Variants in CFTR observed in about 807,000 individuals in gnomAD.
CFTR encodes CF transmembrane conductance regulator.
Under a neutral mutation model 171.6 loss-of-function variants are expected in CFTR, and 181 were observed. The observed-to-expected ratio is 1.05, with a 90% CI of 0.93 to 1.19. The LOEUF (loss-of-function observed/expected upper bound fraction) is 1.19, where lower values mean the gene tolerates loss of function less well. Among genes scored for constraint, CFTR ranks in the 50% most tolerant of loss-of-function variants. The probability of loss-of-function intolerance (pLI) is 0.00; values close to 1 mark genes in which losing one functional copy is unlikely to be tolerated. For synonymous variants in CFTR, 583 were observed against 608.0 expected, an observed-to-expected ratio of 0.96 and a Z score of 0.60; for missense variants, 1,968 against 1,734.7, an observed-to-expected ratio of 1.13 and a Z score of -2.39.
chr7:117,650,799 C>T (rs1183654014), intron 23 of CFTR, among the ~76,000 whole-genome samples: 1 of 152,152 alleles, frequency 6.6e-6, no homozygotes, highest in African/African-American at 2.4e-5. Context: ...GAATATGCTG[C>T]TGAGTACTGA....
chr7:117,612,326 T>C (rs541826307), intron 20 of CFTR, among the ~76,000 whole-genome samples: 1 of 151,586 alleles, frequency 6.6e-6, no homozygotes, highest in East Asian at 2.0e-4. Context: ...TGTTATCTAA[T>C]TGTGAGTTTT....
intron 1 of CFTR, among the ~76,000 whole-genome samples, chr7:117,492,667 G>T (rs960932416): frequency 6.6e-6 from 1 of 151,974 alleles, no homozygotes; most frequent in Non-Finnish European, 1.5e-5. Context: ...AAAAACACAA[G>T]ATCTATAAGG....
At chr7:117,594,527 A>C (rs1465746266) in intron 14 of CFTR, among the ~76,000 whole-genome samples, 1 of 152,170 alleles carries the variant, frequency 6.6e-6, no homozygotes, top group Non-Finnish European at 1.5e-5. Flanking sequence ...AAGTATACTG[A>C]ACTGTACTTG....
intron 6 of CFTR, 137 bp downstream of exon 6, chr7:117,535,548 G>A: frequency 6.4e-6 from 3 of 466,098 alleles, no homozygotes; most frequent in Non-Finnish European, 1.0e-5. Flanking sequence ...TTTTTTTTTT[G>A]AGACAGAGTC....
chr7:117,572,774 C>T (rs1791714015), intron 11 of CFTR, among the ~76,000 whole-genome samples: 1 of 152,144 alleles, frequency 6.6e-6, no homozygotes. Flanking sequence ...ATGACACTAA[C>T]CACCCAATGA....
intron 1 of CFTR, among the ~76,000 whole-genome samples, chr7:117,503,499 A>G (rs537203853): frequency 1.3e-3 from 203 of 152,330 alleles, no homozygotes; most frequent in African/African-American, 4.8e-3. Flanking sequence ...TATGAAGATT[A>G]TTCTGCCTTA....
chr7:117,558,596 G>A (rs944639101), intron 10 of CFTR, among the ~76,000 whole-genome samples: 1 of 132,842 alleles, frequency 7.5e-6, no homozygotes, highest in African/African-American at 3.2e-5. Context: ...TAAAATCAGT[G>A]CTTTTTCTTC....
intron 1 of CFTR, among the ~76,000 whole-genome samples, chr7:117,482,155 T>G (rs1270341736): frequency 6.6e-6 from 1 of 152,182 alleles, no homozygotes; most frequent in African/African-American, 2.4e-5. Flanking sequence ...GTATGAGAAT[T>G]TAATTTATGA....
chr7:117,593,101 C>T (rs1792061440), intron 14 of CFTR, among the ~76,000 whole-genome samples: 1 of 152,146 alleles, frequency 6.6e-6, no homozygotes, highest in African/African-American at 2.4e-5. Context: ...AGGACTAACT[C>T]ACATTCTGGT....
At chr7:117,583,314 T>TC (rs368344796) in intron 11 of CFTR, among the ~76,000 whole-genome samples, 3,101 of 149,234 alleles carry the variant, frequency 0.021, 102 homozygotes, top group East Asian at 0.18. Context: ...TAGTCTTTTA[T>TC]CCCCCCCCCG....
At chr7:117,504,407 T>C (rs1421610319) in intron 2 of CFTR, 44 bp downstream of exon 2, 4 of 951,468 alleles carry the variant, frequency 4.2e-6, no homozygotes, top group Non-Finnish European at 6.8e-6. Context: ...AAATTCATAT[T>C]ATTAATTATT....
intron 18 of CFTR, among the ~76,000 whole-genome samples, chr7:117,609,802 G>T (rs1022833794): frequency 3.9e-5 from 6 of 151,978 alleles, no homozygotes; most frequent in Admixed American, 2.6e-4. Flanking sequence ...CACTTAAAAT[G>T]TATTTATCAT....
In CFTR at chr7:117,559,543, G is replaced by T. The variant is rs778205742; in HGVS notation, c.1472G>T (p.Cys491Phe). ...AAGCACAGTGGAAGAATTTCATTCT[G>T]TTCTCAGTTTTCCTGGATTATGCCT... ...KIKHSGRISF[C>F]SQFSWIMPGT... Residue 491 changes from cysteine (C) to phenylalanine (F), a missense_variant, in exon 11 of 27, where the codon TGT becomes TTT. Coordinates refer to ENST00000003084, the MANE Select transcript of CFTR (RefSeq NM_000492.4). 44 of 1,611,776 alleles carry T rather than the reference G, an allele frequency of 2.7e-5. 1 individual carries two copies. In the South Asian group the frequency reaches 4.6e-4, roughly 17 times the overall value.
chr7:117,566,510 T>C (rs1181436449), intron 11 of CFTR, among the ~76,000 whole-genome samples: 1 of 152,010 alleles, frequency 6.6e-6, no homozygotes, highest in Non-Finnish European at 1.5e-5. Flanking sequence ...ACTAAATGAC[T>C]GTACCTTGAA....
intron 11 of CFTR, among the ~76,000 whole-genome samples, chr7:117,569,523 A>G (rs1791655805): frequency 6.6e-6 from 1 of 152,238 alleles, no homozygotes. Context: ...CATTCAACAT[A>G]TACAAATGCG....
intron 3 of CFTR, among the ~76,000 whole-genome samples, chr7:117,524,216 C>G (rs576202383): frequency 1.3e-5 from 2 of 152,068 alleles, no homozygotes; most frequent in Non-Finnish European, 2.9e-5. Context: ...TTTCCCGTTA[C>G]TGTCTTACAG....
intron 15 of CFTR, among the ~76,000 whole-genome samples, chr7:117,596,628 C>T (rs979527195): frequency 1.3e-5 from 2 of 152,184 alleles, no homozygotes; most frequent in Admixed American, 6.5e-5. Flanking sequence ...ATTGTAAATA[C>T]ACCAATCAGC....
intron 13 of CFTR, 69 bp downstream of exon 13, chr7:117,590,508 T>C (rs1792010384): frequency 1.3e-6 from 2 of 1,531,562 alleles, no homozygotes; most frequent in South Asian, 1.1e-5. Context: ...TGTCCCATCA[T>C]AGATTGCATT....
At chr7:117,552,720 T>C (rs1799293116) in intron 10 of CFTR, among the ~76,000 whole-genome samples, 1 of 152,158 alleles carries the variant, frequency 6.6e-6, no homozygotes, top group Non-Finnish European at 1.5e-5. Flanking sequence ...ATATAATCAA[T>C]ATACATTTTT....
Sources: allele counts gnomAD v4.1 joint callset (sites outside exome capture counted in the v4.1 genomes callset), GRCh38; gene constraint gnomAD v4.1.1; transcripts MANE v1.5; gene names NCBI Gene and HGNC (gene_info 2026-07-23, HGNC 2026-07-21).